The following ANO3 variants were observed in gnomAD, a reference collection of about 807,000 sequenced individuals.
ANO3 encodes the protein anoctamin 3.
In ANO3, 99 loss-of-function variants were observed where a neutral mutation model predicts 144.8. The observed-to-expected ratio is 0.68, with a 90% CI of 0.58 to 0.81. The LOEUF is 0.81. Ranked by LOEUF, ANO3 falls within the 30% of genes least tolerant of loss-of-function variation. The pLI is 0.00. For missense variants in ANO3, 905 were observed against 1,202.2 expected (o/e 0.75, Z 3.66); for synonymous variants, 414 against 392.6 (o/e 1.05, Z -0.64).
chr11:26,609,248 G>C (rs967889689), intron 17 of ANO3, among the ~76,000 whole-genome samples: 7 of 152,136 alleles, frequency 4.6e-5, no homozygotes, highest in African/African-American at 1.4e-4. Flanking sequence ...CCACTCAGTG[G>C]AGCACACCAG....
Position 26,660,378 on chromosome 11 carries a change from T to C in ANO3, c.2880T>C (p.Ala960=). Residue 960 remains alanine (A), a synonymous_variant, in exon 27 of 27, where the codon GCT becomes GCC. Transcript: ENST00000256737. ...KYLVQEMMYE[A]ELEHLQQQRR... is the part of the protein sequence containing the mutation. ...TAGTTCAAGAAATGATGTATGAGGC[T>C]GAACTGGAACATTTGCAACAACAAC... is the stretch of plus-strand genomic sequence containing the variant. 1 of 1,613,194 alleles carries C rather than the reference T, an allele frequency of 6.2e-7. No homozygotes were observed. The highest frequency in any genetic ancestry group is 8.5e-7 in the Non-Finnish European group (1 of 1,179,514).
chr11:26,252,801 T>G (rs1441784675), intron 1 of ANO3, among the ~76,000 whole-genome samples: 1 of 152,180 alleles, frequency 6.6e-6, no homozygotes, highest in Non-Finnish European at 1.5e-5. Context: ...TTTTTCTCAT[T>G]TTATGCTATG....
chr11:26,659,576 A>G (rs1158182432), intron 26 of ANO3, among the ~76,000 whole-genome samples: 1 of 151,816 alleles, frequency 6.6e-6, no homozygotes, highest in Non-Finnish European at 1.5e-5. Context: ...AGGCAACTGT[A>G]CTCCCAGCTA....
At chr11:26,643,093 T>C (rs534402097) in intron 22 of ANO3, 89 bp from the exon 23 acceptor site, 1 of 1,169,684 alleles carries the variant, frequency 8.5e-7, no homozygotes, top group Non-Finnish European at 1.2e-6. Flanking sequence ...TGTAAGGATG[T>C]TGAAAGCATT....
At chr11:26,655,595 C>T (rs72881791) in intron 24 of ANO3, among the ~76,000 whole-genome samples, 1 of 152,070 alleles carries the variant, frequency 6.6e-6, no homozygotes, top group Non-Finnish European at 1.5e-5. Context: ...TTGTGTGCAT[C>T]TCTCTCCCCT....
rs1260691849 is a variant in ANO3 at position 26,493,843 on chromosome 11, CT to C, written c.433-14260del. On this transcript the variant is annotated intron_variant, in intron 4 of 26. Coordinates refer to ENST00000256737, the MANE Select transcript of ANO3 (RefSeq NM_031418.4). ...GCCCTAGGGACTGCCACCTGACACC[CT>C]CTGAGGATTTCCTTCTTCTCTTTCC... Among the ~76,000 whole-genome samples the C allele has an allele frequency of 6.6e-5, 10 of 152,270 alleles. No homozygotes were observed. The East Asian group carries it at 1.7e-3, about 26-fold the overall frequency.
chr11:26,553,738 A>G (rs980925330), intron 13 of ANO3, among the ~76,000 whole-genome samples: 9 of 152,070 alleles, frequency 5.9e-5, no homozygotes, highest in Non-Finnish European at 1.2e-4. Context: ...AAATCCCCAA[A>G]TTGCTGCCTG....
At chr11:26,543,202 A>T (rs927018215) in intron 11 of ANO3, among the ~76,000 whole-genome samples, 5 of 151,834 alleles carry the variant, frequency 3.3e-5, no homozygotes, top group Non-Finnish European at 7.4e-5. Context: ...TAGGAAGAAG[A>T]CAGCCACGGC....
chr11:26,285,258 A>G (rs1350745967), intron 1 of ANO3, among the ~76,000 whole-genome samples: 1 of 152,166 alleles, frequency 6.6e-6, no homozygotes, highest in African/African-American at 2.4e-5. Context: ...ATATAGGAAG[A>G]TAAAGAAACT....
chr11:26,447,017 A>G (rs1858724996), intron 3 of ANO3, among the ~76,000 whole-genome samples: 4 of 152,056 alleles, frequency 2.6e-5, no homozygotes, highest in Admixed American at 2.6e-4. Flanking sequence ...TAAGACCAGC[A>G]TTAGCAAAGT....
rs945674457 is a variant in ANO3, at chr11:26,398,151, A to G, written c.47-43767A>G. ...ATATACAGGTACAATGCCAGGTGGC[A>G]GCTCAGATTTATAATCCATCAAAGG... On this transcript the variant is annotated intron_variant, in intron 1 of 26. Transcript: ENST00000256737. 3.3e-5 allele frequency among the ~76,000 whole-genome samples: 5 copies of G among 152,250 alleles called. No homozygotes were observed. In the East Asian group the frequency reaches 9.7e-4, roughly 29 times the overall value.
intron 1 of ANO3, among the ~76,000 whole-genome samples, chr11:26,198,249 G>A (rs1851627468): frequency 6.6e-6 from 1 of 151,978 alleles, no homozygotes; most frequent in South Asian, 2.1e-4. Context: ...TCATATTCAG[G>A]AAATGAATTA....
chr11:26,449,166 G>T (rs994102937), intron 3 of ANO3, among the ~76,000 whole-genome samples: 2 of 151,946 alleles, frequency 1.3e-5, no homozygotes, highest in African/African-American at 4.8e-5. Context: ...TGTGTTCCTT[G>T]TTCACAATAA....
chr11:26,420,299 T>G (rs893023139), intron 1 of ANO3, among the ~76,000 whole-genome samples: 1 of 152,074 alleles, frequency 6.6e-6, no homozygotes, highest in Non-Finnish European at 1.5e-5. Flanking sequence ...GAAGTGCATA[T>G]GTTGCTTTCT....
intron 1 of ANO3, among the ~76,000 whole-genome samples, chr11:26,287,143 G>A (rs1056121833): frequency 2.0e-5 from 3 of 152,156 alleles, no homozygotes; most frequent in African/African-American, 7.2e-5. Flanking sequence ...TTGATAGAGT[G>A]ACTAATATAT....
chr11:26,427,157 T>C lies in ANO3; in HGVS notation c.47-14761T>C, dbSNP rs145027217. 3.7e-3 allele frequency: 766 copies of C among 205,512 alleles called. 3 individuals carry two copies. Among genetic ancestry groups the C allele is most frequent in the Non-Finnish European group, 5.7e-3 (548 of 95,838 alleles). The allele number at this position is 205,512 out of a possible 1,614,324, so 12.7% of individuals were successfully genotyped here. A position where few individuals can be genotyped will look rare whatever the true frequency, so the allele number is the denominator to read the frequency against. On this transcript the variant is annotated intron_variant, in intron 1 of 26. Transcript: ENST00000256737. ...TAAGGACAAATACCTAAAACAAACA[T>C]GTTTAGACCCAGTGCCTGTCCATTG...
Position 26,544,251 on chromosome 11 carries a change from C to CATATATATATATATATATATATAT in ANO3, c.1154+2206_1154+2207insTATATATATATATATATATATATA, listed in dbSNP as rs1554967685. Among the ~76,000 whole-genome samples the CATATATATATATATATATATATAT allele has an allele frequency of 4.3e-3, 164 of 38,182 alleles. 1 individual carries two copies. The highest frequency in any genetic ancestry group is 7.8e-3 in the South Asian group (3 of 384). 25.0% of individuals were successfully genotyped at this position (38,182 alleles called of 152,430 possible). On this transcript the variant is annotated intron_variant, in intron 11 of 26. Coordinates refer to ENST00000256737, the MANE Select transcript of ANO3 (RefSeq NM_031418.4). The stretch of plus-strand genomic sequence containing the variant: ...TAAGGTTAAGTAGTATTTCATTATA[C>CATATATATATATATATATATATAT]ATATATATATATATATATATATACA...
rs766276608 is a variant in ANO3 at position 26,565,755 on chromosome 11, A to G, written c.1447+5976A>G. The G allele has an allele frequency of 5.0e-6, 8 of 1,606,402 alleles. No homozygotes were observed. The East Asian group carries it at 8.9e-5, about 18-fold the overall frequency. ...TTCCATTGTTTTAAAAACTTCTGCA[A>G]TGTTCTGTGTTGTGTTTATGTCTTG... On this transcript the variant is annotated intron_variant, in intron 14 of 26. Transcript: ENST00000256737.
chr11:26,552,109 C>T (rs537695798), intron 12 of ANO3, among the ~76,000 whole-genome samples: 182 of 152,084 alleles, frequency 1.2e-3, no homozygotes, highest in Middle Eastern at 3.4e-3. Context: ...TTAAATTGAA[C>T]ATTGTTTTTC....
Sources: gnomAD v4.1 joint callset for allele counts (sites outside exome capture counted in the v4.1 genomes callset) on GRCh38, gnomAD v4.1.1 for gene constraint, MANE v1.5 for transcripts, NCBI Gene and HGNC (gene_info 2026-07-23, HGNC 2026-07-21) for gene names.